SOAT1: variants seen among roughly 807,000 people sequenced by gnomAD.
The protein encoded by SOAT1 is sterol O-acyltransferase 1.
Under a neutral mutation model 69.5 loss-of-function variants are expected in SOAT1, and 55 were observed. That is an observed-to-expected ratio of 0.79 (90% confidence interval 0.64 to 0.99). The LOEUF (loss-of-function observed/expected upper bound fraction) is 0.99. Among genes scored for constraint, SOAT1 ranks in the 50% least tolerant of loss-of-function variants. The pLI is 0.00. For missense variants in SOAT1, 580 were observed against 669.3 expected (o/e 0.87, Z 1.47); for synonymous variants, 231 against 224.7 (o/e 1.03, Z -0.25).
At chr1:179,321,263 G>A (rs1264375856) in intron 2 of SOAT1, among the ~76,000 whole-genome samples, 3 of 152,006 alleles carry the variant, frequency 2.0e-5, no homozygotes, top group Non-Finnish European at 4.4e-5. Flanking sequence ...TTCTGGTTGA[G>A]GAATGGCATT....
Position 179,341,155 on chromosome 1 carries a change from G to A in SOAT1, c.625G>A (p.Gly209Ser). The change falls in exon 7 of 16, where the codon GGC becomes AGC. Residue 209 changes from glycine to serine, a missense_variant. Physicochemically the swap from Gly to Ser is moderately conservative, Grantham distance 56. Coordinates refer to ENST00000367619, the MANE Select transcript of SOAT1 (RefSeq NM_003101.6). ...PYFLFQHWAT[G>S]YSKSSHPLIR... Reference sequence around the variant, plus strand: ...TTTTCTGTTTCAACATTGGGCCACTGGCTATAGCAAGAGTTCTCATCCGCT... The same window carrying A: ...TTTTCTGTTTCAACATTGGGCCACTAGCTATAGCAAGAGTTCTCATCCGCT... The A allele has an allele frequency of 6.2e-7, 1 of 1,614,018 alleles. No individual in the cohort carries two copies. Among genetic ancestry groups the A allele is most frequent in the Non-Finnish European group, 8.5e-7 (1 of 1,179,986 alleles).
At chr1:179,333,264 T>A (rs1225648641) in intron 3 of SOAT1, among the ~76,000 whole-genome samples, 1 of 152,168 alleles carries the variant, frequency 6.6e-6, no homozygotes, top group African/African-American at 2.4e-5. Flanking sequence ...TATCCATGTG[T>A]AATAGTTTCT....
chr1:179,335,927 G>C (rs189448205), intron 4 of SOAT1, among the ~76,000 whole-genome samples: 2 of 152,292 alleles, frequency 1.3e-5, no homozygotes, highest in East Asian at 3.9e-4. Context: ...GGAAAGCTGA[G>C]GCAGGTGGAA....
At position 179,339,555 on chromosome 1, in the gene SOAT1, CA is replaced by C; in HGVS notation, c.497+16del. On this transcript the variant is annotated intron_variant, in intron 6 of 15. Coordinates refer to ENST00000367619, the MANE Select transcript of SOAT1 (RefSeq NM_003101.6). The stretch of plus-strand genomic sequence containing the variant: ...ACATTGATGAAGGAAGGTAAGACAA[CA>C]AAAAAGATGGCTGGCTAGTTGATGC... 1.3e-6 allele frequency: 2 copies of C among 1,555,624 alleles called. No homozygotes were observed. The highest frequency in any genetic ancestry group is 1.2e-5 in the South Asian group (1 of 86,308).
intron 2 of SOAT1, among the ~76,000 whole-genome samples, chr1:179,320,344 T>C (rs962435864): frequency 6.6e-6 from 1 of 152,196 alleles, no homozygotes; most frequent in Non-Finnish European, 1.5e-5. Flanking sequence ...TTAATAATCA[T>C]AAAGGTGAAT....
chr1:179,339,563 A>G lies in SOAT1; in HGVS notation c.497+18A>G. The G allele has an allele frequency of 6.5e-7, 1 of 1,530,038 alleles. No individual in the cohort carries two copies. The highest frequency in any genetic ancestry group is 1.2e-5 in the South Asian group (1 of 85,878). 94.8% of individuals were successfully genotyped at this position (1,530,038 alleles called of 1,614,324 possible). ...GAAGGAAGGTAAGACAACAAAAAAG[A>G]TGGCTGGCTAGTTGATGCATGAGAA... On this transcript the variant is annotated intron_variant, in intron 6 of 15. Transcript: ENST00000367619.
At chr1:179,299,527 ATATGGGACAC>A (rs538999881) in intron 1 of SOAT1, among the ~76,000 whole-genome samples, 379 of 152,296 alleles carry the variant, frequency 2.5e-3, no homozygotes, top group African/African-American at 6.8e-3. Context: ...AGGGAAGAGT[ATATGGGACAC>A]TATGGTGGCC....
At chr1:179,303,058 G>A (rs775361438) in intron 2 of SOAT1, among the ~76,000 whole-genome samples, 1 of 152,124 alleles carries the variant, frequency 6.6e-6, no homozygotes, top group Non-Finnish European at 1.5e-5. Context: ...GAGGTCCCCC[G>A]CTGGATGCTG....
At chr1:179,343,547 T>G in intron 9 of SOAT1, 43 bp from the exon 10 acceptor site, 4 of 1,533,730 alleles carry the variant, frequency 2.6e-6, no homozygotes, top group Non-Finnish European at 2.7e-6. Context: ...TCAAGTTCAA[T>G]TACTTTATTT....
At chr1:179,295,360 A>C (rs1231703182) in intron 1 of SOAT1, among the ~76,000 whole-genome samples, 2 of 152,040 alleles carry the variant, frequency 1.3e-5, no homozygotes, top group Non-Finnish European at 2.9e-5. Flanking sequence ...TCTGGAAATC[A>C]CCCCATCCCC....
intron 12 of SOAT1, among the ~76,000 whole-genome samples, chr1:179,348,109 C>T (rs1428908573): frequency 1.3e-5 from 2 of 152,154 alleles, no homozygotes; most frequent in Non-Finnish European, 2.9e-5. Flanking sequence ...AATAACTTTT[C>T]CCTCTTTAGT....
chr1:179,312,292 C>T (rs1046258016), intron 2 of SOAT1, among the ~76,000 whole-genome samples: 2 of 151,988 alleles, frequency 1.3e-5, no homozygotes, highest in Admixed American at 6.6e-5. Context: ...TTTCTGGAGT[C>T]GGCGTGTGGC....
At chr1:179,326,316 T>C (rs948658912) in intron 3 of SOAT1, among the ~76,000 whole-genome samples, 9 of 152,180 alleles carry the variant, frequency 5.9e-5, no homozygotes, top group Non-Finnish European at 1.3e-4. Flanking sequence ...CTTCTACAGT[T>C]TTCTGAACAT....
At chr1:179,316,085 G>A (rs558487575) in intron 2 of SOAT1, among the ~76,000 whole-genome samples, 86 of 152,040 alleles carry the variant, frequency 5.7e-4, no homozygotes, top group African/African-American at 1.7e-3. Flanking sequence ...CTTTTTGTCC[G>A]GATTTATTGC....
At chr1:179,342,225 T>TC in intron 8 of SOAT1, 33 bp downstream of exon 8, 1 of 1,480,964 alleles carries the variant, frequency 6.8e-7, no homozygotes, top group South Asian at 1.2e-5. Flanking sequence ...TATTTCTTCC[T>TC]CCCCTCCCCT....
In SOAT1 at chr1:179,334,686, G is replaced by T. The variant is rs551855579; in HGVS notation, c.178-820G>T. Among the ~76,000 whole-genome samples the T allele has an allele frequency of 1.1e-4, 16 of 152,264 alleles. No homozygotes were observed. In the South Asian group the frequency reaches 1.5e-3, roughly 14 times the overall value. On this transcript the variant is annotated intron_variant, in intron 3 of 15. Transcript: ENST00000367619. Reference sequence around the variant, plus strand: ...ATTCTGTACCGTCTGAGGTGTCAGAGGTTGGGGTCATAGATGAGGGAGATT... The same window carrying T: ...ATTCTGTACCGTCTGAGGTGTCAGATGTTGGGGTCATAGATGAGGGAGATT...
chr1:179,342,084 A>C (rs1309735619), intron 7 of SOAT1, 30 bp from the exon 8 acceptor site: 7 of 1,612,810 alleles, frequency 4.3e-6, no homozygotes, highest in Non-Finnish European at 5.1e-6. Flanking sequence ...CTTTCTTTGA[A>C]GAGACATCTT....
rs981842204 is a variant in SOAT1, at chr1:179,357,471, G to C, written c.*3830G>C. The C allele has an allele frequency of 6.6e-6, 1 of 152,276 alleles. No homozygotes were observed. Among genetic ancestry groups the C allele is most frequent in the African/African-American group, 2.4e-5 (1 of 41,460 alleles). The allele number at this position is 152,276 out of a possible 1,614,324, so 9.4% of individuals were successfully genotyped here. ...CAGCCTCAGCCTCCCATAGTGCTGG[G>C]ATTATAGGCATGAGCCATGCTCCCG... is the stretch of plus-strand genomic sequence containing the variant. On this transcript the variant is annotated 3_prime_UTR_variant, in exon 16 of 16. Transcript: ENST00000367619.
intron 1 of SOAT1, among the ~76,000 whole-genome samples, chr1:179,297,917 G>A (rs1201837587): frequency 5.3e-5 from 8 of 150,574 alleles, no homozygotes; most frequent in South Asian, 2.1e-4. Flanking sequence ...CAGGAGAATC[G>A]CTTGAATCCA....
Sources: gnomAD v4.1 joint callset for allele counts (sites outside exome capture counted in the v4.1 genomes callset) on GRCh38, gnomAD v4.1.1 for gene constraint, MANE v1.5 for transcripts, NCBI Gene and HGNC (gene_info 2026-07-23, HGNC 2026-07-21) for gene names.